HTR1F: variants seen among roughly 807,000 people sequenced by gnomAD.
The protein encoded by HTR1F is 5-hydroxytryptamine (serotonin) receptor 1F, G protein-coupled.
In HTR1F, 17 loss-of-function variants were observed where a neutral mutation model predicts 24.0. The ratio of observed to expected loss-of-function variants is 0.71; its 90% CI spans 0.48 to 1.06. HTR1F has a LOEUF of 1.06. HTR1F is among the 50% of genes least tolerant of loss of function. HTR1F has a pLI of 0.00. For synonymous variants in HTR1F, 186 were observed against 156.8 expected (o/e 1.19, Z -1.39); for missense variants, 391 against 427.8 (o/e 0.91, Z 0.76).
intron 1 of HTR1F, among the ~76,000 whole-genome samples, chr3:87,815,117 A>G (rs1704226156): frequency 6.6e-6 from 1 of 152,144 alleles, no homozygotes; most frequent in Non-Finnish European, 1.5e-5. Flanking sequence ...GGTATTTGCT[A>G]CAAAAATACA....
At chr3:87,941,980 G>T (rs2880696) in intron 2 of HTR1F, among the ~76,000 whole-genome samples, 3 of 152,032 alleles carry the variant, frequency 2.0e-5, no homozygotes, top group Non-Finnish European at 4.4e-5. Context: ...GTTGGGCCTC[G>T]GGTCTAAGGG....
At position 87,978,725 on chromosome 3, in the gene HTR1F, G is replaced by A. The variant is rs559709910; in HGVS notation, c.-42-11983G>A. Among the ~76,000 whole-genome samples the A allele has an allele frequency of 8.0e-4, 121 of 150,370 alleles. 1 individual carries two copies. In the South Asian group the frequency reaches 0.018, roughly 22 times the overall value. ...TCCAGGATTTTTATAGGCTTCAGAA[G>A]GGAAGAAGTGAGTGCTGATTGGTTT... is the stretch of plus-strand genomic sequence containing the variant. On this transcript the variant is annotated intron_variant, in intron 2 of 2. Transcript: ENST00000319595.
At chr3:87,849,158 A>T (rs1207406647) in intron 2 of HTR1F, among the ~76,000 whole-genome samples, 5 of 150,756 alleles carry the variant, frequency 3.3e-5, no homozygotes, top group South Asian at 2.1e-4. Context: ...AAGTCAATCC[A>T]AAGCCAAAAG....
At position 87,991,876 on chromosome 3, in the gene HTR1F, A is replaced by T. The variant is rs1159171824; in HGVS notation, c.*26A>T. ...TTTTAAAAATGTTTATTATTGAAGG[A>T]TGGGGGTTTTTGAGGGGAGGAATAA... is the stretch of plus-strand genomic sequence containing the variant. On this transcript the variant is annotated 3_prime_UTR_variant, in exon 3 of 3. Transcript: ENST00000319595. The T allele has an allele frequency of 3.3e-6, 5 of 1,523,014 alleles. No individual in the cohort carries two copies. The highest frequency in any genetic ancestry group is 2.2e-5 in the Admixed American group (1 of 45,080). The allele number at this position is 1,523,014 out of a possible 1,614,324, so 94.3% of individuals were successfully genotyped here.
At chr3:87,831,330 A>AATAATT (rs373355862) in intron 2 of HTR1F, among the ~76,000 whole-genome samples, 3 of 142,406 alleles carry the variant, frequency 2.1e-5, no homozygotes, top group East Asian at 2.1e-4. Context: ...GATATTAAGA[A>AATAATT]ATTATTATTA....
intron 2 of HTR1F, among the ~76,000 whole-genome samples, chr3:87,917,595 A>G (rs187903031): frequency 6.6e-6 from 1 of 152,196 alleles, no homozygotes; most frequent in Admixed American, 6.6e-5. Context: ...CTTTATGTGC[A>G]TAAACTAGAA....
rs1345459114 is a variant in HTR1F, at chr3:87,793,981, AAAG to A, written c.-160+1141_-160+1143del. 1.5e-4 allele frequency among the ~76,000 whole-genome samples: 19 copies of A among 126,648 alleles called. No individual in the cohort carries two copies. The South Asian group carries it at 3.7e-3, about 25-fold the overall frequency. The allele number at this position is 126,648 out of a possible 152,430, so 83.1% of individuals were successfully genotyped here. A position where few individuals can be genotyped will look rare whatever the true frequency, so the allele number is the denominator to read the frequency against. On this transcript the variant is annotated intron_variant, in intron 1 of 2. Coordinates refer to ENST00000319595, the MANE Select transcript of HTR1F (RefSeq NM_001322209.2). ...GGATATGCTATGCCAAAAAAAAAAA[AAAG>A]AGAGAGAGAAAACAGGAAAACAGTA...
rs188337604 is a variant in HTR1F at position 87,809,301 on chromosome 3, T to A, written c.-159-12707T>A. On this transcript the variant is annotated intron_variant, in intron 1 of 2. Transcript: ENST00000319595. ...GAGAGATAGTCCATTTGAATTATTA[T>A]AAATCACTCTTAATCGTGCAAACCA... Among the ~76,000 whole-genome samples the A allele has an allele frequency of 2.0e-5, 3 of 152,054 alleles. No homozygotes were observed. The East Asian group carries it at 5.8e-4, about 29-fold the overall frequency.
At chr3:87,895,770 T>A (rs1706184650) in intron 2 of HTR1F, among the ~76,000 whole-genome samples, 1 of 152,336 alleles carries the variant, frequency 6.6e-6, no homozygotes, top group South Asian at 2.1e-4. Flanking sequence ...TTATCATTTC[T>A]AGAAACTCCT....
intron 2 of HTR1F, among the ~76,000 whole-genome samples, chr3:87,913,767 A>G (rs1478031513): frequency 1.3e-5 from 2 of 152,220 alleles, no homozygotes; most frequent in Non-Finnish European, 2.9e-5. Flanking sequence ...CAAAAGAATG[A>G]GATCATGTCC....
chr3:87,812,304 C>T (rs1207048054), intron 1 of HTR1F, among the ~76,000 whole-genome samples: 1 of 152,086 alleles, frequency 6.6e-6, no homozygotes, highest in Admixed American at 6.5e-5. Context: ...GACCAACATG[C>T]TGATAGTGAT....
chr3:87,950,847 T>C (rs1704818403), intron 2 of HTR1F, among the ~76,000 whole-genome samples: 1 of 152,178 alleles, frequency 6.6e-6, no homozygotes, highest in Admixed American at 6.5e-5. Flanking sequence ...CTGTCTGAAT[T>C]AATACAGTCC....
chr3:87,967,813 G>T (rs1705200381), intron 2 of HTR1F, among the ~76,000 whole-genome samples: 2 of 152,164 alleles, frequency 1.3e-5, no homozygotes, highest in African/African-American at 4.8e-5. Flanking sequence ...CCAGTCTCAG[G>T]TATGTGTATC....
chr3:87,930,710 G>T (rs1704241723), intron 2 of HTR1F, among the ~76,000 whole-genome samples: 1 of 151,986 alleles, frequency 6.6e-6, no homozygotes, highest in Admixed American at 6.6e-5. Flanking sequence ...GAGGATTTTT[G>T]CACTTTATAG....
At chr3:87,848,916 C>G (rs1705012172) in intron 2 of HTR1F, among the ~76,000 whole-genome samples, 1 of 151,480 alleles carries the variant, frequency 6.6e-6, no homozygotes, top group African/African-American at 2.4e-5. Context: ...TGAAGGACCT[C>G]TTCAAGGAGA....
At chr3:87,829,957 AT>A (rs1464113368) in intron 2 of HTR1F, among the ~76,000 whole-genome samples, 2 of 152,102 alleles carry the variant, frequency 1.3e-5, no homozygotes, top group Non-Finnish European at 2.9e-5. Flanking sequence ...CTTGTGTAAA[AT>A]TTTTTATCCT....
chr3:87,982,635 C>T (rs1268120531), intron 2 of HTR1F, among the ~76,000 whole-genome samples: 1 of 152,152 alleles, frequency 6.6e-6, no homozygotes, highest in African/African-American at 2.4e-5. Flanking sequence ...TTTCAAGAGC[C>T]GTGGAGTGCA....
chr3:87,947,180 T>C (rs149591608), intron 2 of HTR1F, among the ~76,000 whole-genome samples: 8 of 152,358 alleles, frequency 5.3e-5, no homozygotes, highest in African/African-American at 1.7e-4. Flanking sequence ...GTAATATTAA[T>C]GCTATCATAA....
At chr3:87,975,185 A>G (rs7356130) in intron 2 of HTR1F, among the ~76,000 whole-genome samples, 3 of 152,182 alleles carry the variant, frequency 2.0e-5, no homozygotes, top group African/African-American at 7.2e-5. Flanking sequence ...ACTTAATCAG[A>G]GTAACTAAAT....
Sources: allele counts gnomAD v4.1 joint callset (sites outside exome capture counted in the v4.1 genomes callset), GRCh38; gene constraint gnomAD v4.1.1; transcripts MANE v1.5; gene names NCBI Gene and HGNC (gene_info 2026-07-23, HGNC 2026-07-21).